The following EDA variants were observed in gnomAD, a reference collection of about 807,000 sequenced individuals.
EDA encodes the protein ectodysplasin-A.
Under a neutral mutation model 23.6 loss-of-function variants are expected in EDA, and 2 were observed. The observed-to-expected ratio is 0.08, with a 90% CI of 0.03 to 0.27. EDA has a LOEUF of 0.27. Ranked by LOEUF, EDA falls within the 10% of genes least tolerant of loss-of-function variation. The pLI is 1.00. For synonymous variants in EDA, 131 were observed against 132.0 expected (o/e 0.99, Z 0.05); for missense variants, 229 against 324.2 (o/e 0.71, Z 2.26).
rs1363612000 is a variant in EDA at position 69,905,377 on chromosome X, CT to C, written c.397-51645del. ...ACTCATAGACTTAATGTCCAACAAA[CT>C]TTTTGGGAAATGGAAGCAATTACTA... On this transcript the variant is annotated intron_variant, in intron 1 of 7. Transcript: ENST00000374552. Among the ~76,000 whole-genome samples the C allele has an allele frequency of 3.6e-5, 4 of 111,554 alleles. 1 individual carries two copies. The Admixed American group carries it at 3.8e-4, about 11-fold the overall frequency.
chrX:69,797,405 C>T (rs894990155), intron 1 of EDA, among the ~76,000 whole-genome samples: 1 of 111,541 alleles, frequency 9.0e-6, no homozygotes, highest in African/African-American at 3.3e-5. Flanking sequence ...CAGCAGATTT[C>T]TCAGCAGAAA....
At chrX:69,990,102 T>C (rs1165919029) in intron 2 of EDA, among the ~76,000 whole-genome samples, 1 of 110,940 alleles carries the variant, frequency 9.0e-6, no homozygotes, top group Non-Finnish European at 1.9e-5. Context: ...GTTCGACATA[T>C]TCTTGGTTCT....
intron 1 of EDA, chrX:69,937,401 T>C: frequency 1.4e-6 from 1 of 691,777 alleles, no homozygotes; most frequent in East Asian, 3.2e-5. Flanking sequence ...TAATCCATCT[T>C]TGAGATGTTT....
rs776855313 is a variant in EDA at position 69,847,684 on chromosome X, G to GT, written c.397-109334dup. 5.1e-4 allele frequency among the ~76,000 whole-genome samples: 56 copies of GT among 109,726 alleles called. No homozygotes were observed. The Middle Eastern group carries it at 0.014, about 28-fold the overall frequency. On this transcript the variant is annotated intron_variant, in intron 1 of 7. Coordinates refer to ENST00000374552, the MANE Select transcript of EDA (RefSeq NM_001399.5). ...ATTCCGTTGTTTGAATGTACCACAG[G>GT]TTTTTTTTTAATCCATTCACACATT...
chrX:69,978,318 TAAAAAAAAAAAAAAAAA>T (rs144187734), intron 2 of EDA, among the ~76,000 whole-genome samples: 637 of 20,463 alleles, frequency 0.031, 16 homozygotes, highest in Middle Eastern at 0.18. Context: ...ACTCCATCTC[TAAAAAAAAAAAAAAAAA>T]AAAAAAAAAA....
At chrX:69,671,889 T>G (rs4143051) in intron 1 of EDA, among the ~76,000 whole-genome samples, 41,647 of 110,766 alleles carry the variant, frequency 0.38, 6,448 homozygotes, top group East Asian at 0.89. Flanking sequence ...TCACTAGTCT[T>G]TTCAAAAGAA....
chrX:69,632,659 T>A (rs931618617), intron 1 of EDA, among the ~76,000 whole-genome samples: 2 of 112,017 alleles, frequency 1.8e-5, no homozygotes, highest in African/African-American at 6.5e-5. Flanking sequence ...AATTCCTACT[T>A]CACTGAAAAC....
intron 1 of EDA, among the ~76,000 whole-genome samples, chrX:69,752,893 G>T (rs1162192868): frequency 1.8e-5 from 2 of 112,021 alleles, no homozygotes; most frequent in African/African-American, 6.5e-5. Context: ...TCTGATGGTA[G>T]TTTGTATATC....
intron 1 of EDA, among the ~76,000 whole-genome samples, chrX:69,661,789 C>T (rs1304293958): frequency 9.0e-6 from 1 of 111,398 alleles, no homozygotes; most frequent in African/African-American, 3.3e-5. Flanking sequence ...GTGATGCCTC[C>T]AGCTTTGTTC....
intron 1 of EDA, among the ~76,000 whole-genome samples, chrX:69,809,159 G>A (rs1025562216): frequency 7.2e-5 from 8 of 111,622 alleles, no homozygotes; most frequent in African/African-American, 2.3e-4. Flanking sequence ...TTGGGTCAGA[G>A]CATCAATGCT....
At chrX:69,948,359 G>A (rs2018864876) in intron 1 of EDA, among the ~76,000 whole-genome samples, 1 of 112,386 alleles carries the variant, frequency 8.9e-6, no homozygotes, top group Non-Finnish European at 1.9e-5. Context: ...AAAAAATGTT[G>A]GTTGTGTTTA....
In EDA at chrX:69,927,839, G is replaced by A. The variant is rs776702366; in HGVS notation, c.397-29188G>A. The stretch of plus-strand genomic sequence containing the variant: ...ATGTTGCCCCATCTCTCCCCAAGCT[G>A]CAAACTTGTCTTTCTCCCTTTGTTT... On this transcript the variant is annotated intron_variant, in intron 1 of 7. Transcript: ENST00000374552. Among the ~76,000 whole-genome samples, 10 of 110,801 alleles carry A rather than the reference G, an allele frequency of 9.0e-5. No homozygotes were observed. The South Asian group carries it at 2.3e-3, about 26-fold the overall frequency.
chrX:69,918,477 T>C (rs1321099610), intron 1 of EDA, among the ~76,000 whole-genome samples: 3 of 112,165 alleles, frequency 2.7e-5, no homozygotes, highest in African/African-American at 9.7e-5. Context: ...ATACCTATTA[T>C]AAGTGAAATG....
At position 70,033,373 on chromosome X, in the gene EDA, G is replaced by T. The variant is rs766401441; in HGVS notation, c.794-25G>T. 5 of 1,211,629 alleles carry T rather than the reference G, an allele frequency of 4.1e-6. No homozygotes were observed. In the South Asian group the frequency reaches 5.3e-5, roughly 13 times the overall value. On this transcript the variant is annotated intron_variant, in intron 6 of 7. Coordinates refer to ENST00000374552, the MANE Select transcript of EDA (RefSeq NM_001399.5). ...CCTCGATTATTCTGACATGTACTGA[G>T]TGACTGCCCTTCTCTCATACTGAGA...
intron 1 of EDA, among the ~76,000 whole-genome samples, chrX:69,690,259 G>C (rs752212315): frequency 7.2e-5 from 8 of 111,782 alleles, no homozygotes; most frequent in African/African-American, 2.6e-4. Context: ...TTATCACTTA[G>C]TATAATGTTA....
Position 69,819,595 on chromosome X carries a change from G to C in EDA, c.397-137432G>C, listed in dbSNP as rs962300166. Reference sequence around the variant, plus strand: ...TATACACCAACAACAGGGAAGCAGAGAGCCAAGTCATGAATTAACTCCCAC... The same window carrying C: ...TATACACCAACAACAGGGAAGCAGACAGCCAAGTCATGAATTAACTCCCAC... On this transcript the variant is annotated intron_variant, in intron 1 of 7. Transcript: ENST00000374552. Among the ~76,000 whole-genome samples the C allele has an allele frequency of 2.7e-5, 3 of 111,421 alleles. No individual in the cohort carries two copies. The Admixed American group carries it at 2.9e-4, about 11-fold the overall frequency.
chrX:69,932,007 T>C (rs1270956938), intron 1 of EDA, among the ~76,000 whole-genome samples: 1 of 112,187 alleles, frequency 8.9e-6, no homozygotes. Context: ...GAATACTACT[T>C]ATCAATGAAA....
In EDA at chrX:69,682,218, C is replaced by T. The variant is rs771995372; in HGVS notation, c.396+65514C>T. ...TGCGTGCTGGGAGAACCACTGCTCTCTTCAAAGCTGTCAGACAGGGGCATT... is the reference window on the plus strand; with the variant it reads ...TGCGTGCTGGGAGAACCACTGCTCTTTTCAAAGCTGTCAGACAGGGGCATT... On this transcript the variant is annotated intron_variant, in intron 1 of 7. Coordinates refer to ENST00000374552, the MANE Select transcript of EDA (RefSeq NM_001399.5). 1.4e-3 allele frequency among the ~76,000 whole-genome samples: 155 copies of T among 112,247 alleles called. No homozygotes were observed. The South Asian group carries it at 0.019, about 13-fold the overall frequency.
chrX:69,796,500 C>T (rs909375955), intron 1 of EDA, among the ~76,000 whole-genome samples: 1 of 112,029 alleles, frequency 8.9e-6, no homozygotes, highest in Admixed American at 9.5e-5. Flanking sequence ...ACAGAGACTA[C>T]ACTGCTGCAC....
Sources: allele counts gnomAD v4.1 joint callset (sites outside exome capture counted in the v4.1 genomes callset), GRCh38; gene constraint gnomAD v4.1.1; transcripts MANE v1.5; gene names NCBI Gene and HGNC (gene_info 2026-07-23, HGNC 2026-07-21).